Variants in PRKCE observed in about 807,000 individuals in gnomAD.
The protein encoded by PRKCE is protein kinase C epsilon.
PRKCE carries 16 observed loss-of-function variants against 85.4 expected under a neutral mutation model. The observed-to-expected ratio is 0.19, with a 90% confidence interval of 0.13 to 0.28. PRKCE has a LOEUF of 0.28. Ranked by LOEUF, PRKCE falls within the 10% of genes least tolerant of loss-of-function variation. PRKCE has a pLI of 1.00. For synonymous variants in PRKCE, 388 were observed against 371.5 expected (o/e 1.04, Z -0.51); for missense variants, 573 against 975.2 (o/e 0.59, Z 5.49).
intron 1 of PRKCE, among the ~76,000 whole-genome samples, chr2:45,734,816 A>G (rs780939756): frequency 2.6e-5 from 4 of 152,140 alleles, no homozygotes; most frequent in Non-Finnish European, 4.4e-5. Flanking sequence ...AGCAGAAGAG[A>G]AGCCCCTTCC....
At chr2:45,798,438 T>C (rs1687605565) in intron 1 of PRKCE, among the ~76,000 whole-genome samples, 1 of 152,198 alleles carries the variant, frequency 6.6e-6, no homozygotes, top group Non-Finnish European at 1.5e-5. Flanking sequence ...CCCCGACTTT[T>C]GTGGGACCTC....
intron 11 of PRKCE, among the ~76,000 whole-genome samples, chr2:46,113,139 G>A (rs1393964779): frequency 2.0e-5 from 3 of 152,270 alleles, no homozygotes; most frequent in African/African-American, 7.2e-5. Flanking sequence ...GGACCTCACA[G>A]CTGATTTAGA....
chr2:45,768,366 C>A (rs1178912091), intron 1 of PRKCE, among the ~76,000 whole-genome samples: 1 of 152,170 alleles, frequency 6.6e-6, no homozygotes, highest in Non-Finnish European at 1.5e-5. Context: ...ATGTGTGAGT[C>A]CCATGGGGAT....
rs1675308848 is a variant in PRKCE at position 46,139,600 on chromosome 2, G to A, written c.1593-5493G>A. On this transcript the variant is annotated intron_variant, in intron 11 of 14. Coordinates refer to ENST00000306156, the MANE Select transcript of PRKCE (RefSeq NM_005400.3). The surrounding 1 kb of genome is among the most constrained non-coding windows in gnomAD (Gnocchi z 5.2). ...GGACTTAGTCCTTGTCTTTATGGTT[G>A]TAGGTGGCTGCTACTACTTTAGGCA... 6.6e-6 allele frequency among the ~76,000 whole-genome samples: 1 copy of A among 152,000 alleles called. No individual in the cohort carries two copies. The highest frequency in any genetic ancestry group is 6.6e-5 in the Admixed American group (1 of 15,258).
At chr2:45,846,046 T>C (rs1197334097) in intron 2 of PRKCE, among the ~76,000 whole-genome samples, 1 of 152,192 alleles carries the variant, frequency 6.6e-6, no homozygotes, top group Non-Finnish European at 1.5e-5. Context: ...CTGCTCAAAA[T>C]GCTCTTATGG....
chr2:45,947,009 A>T (rs751781262), intron 2 of PRKCE, among the ~76,000 whole-genome samples: 8 of 152,248 alleles, frequency 5.3e-5, no homozygotes, highest in Non-Finnish European at 1.0e-4. Context: ...CTCTAAAGGA[A>T]TTCACATCAG....
At chr2:46,066,258 C>T (rs1667617472) in intron 10 of PRKCE, among the ~76,000 whole-genome samples, 1 of 152,130 alleles carries the variant, frequency 6.6e-6, no homozygotes, top group Admixed American at 6.5e-5. Context: ...CTATTTCTGC[C>T]TATACACCTA....
chr2:45,716,383 G>A (rs1680086838), intron 1 of PRKCE, among the ~76,000 whole-genome samples: 1 of 152,120 alleles, frequency 6.6e-6, no homozygotes, highest in African/African-American at 2.4e-5. Flanking sequence ...CAGGCGTGGT[G>A]TCGCATGCTT....
intron 2 of PRKCE, among the ~76,000 whole-genome samples, chr2:45,909,326 C>T (rs1029911221): frequency 6.6e-6 from 1 of 152,110 alleles, no homozygotes; most frequent in Non-Finnish European, 1.5e-5. Flanking sequence ...GTGGTAGGCA[C>T]CAGAAGGGGG....
chr2:46,174,567 C>A (rs1276786840), intron 14 of PRKCE, among the ~76,000 whole-genome samples: 1 of 152,194 alleles, frequency 6.6e-6, no homozygotes, highest in Non-Finnish European at 1.5e-5. Context: ...AGGCATGCAG[C>A]CCTCAGCTTG....
chr2:46,061,032 G>C (rs1279329400), intron 10 of PRKCE, among the ~76,000 whole-genome samples: 1 of 151,266 alleles, frequency 6.6e-6, no homozygotes, highest in Non-Finnish European at 1.5e-5. Context: ...AAAGTGCTGG[G>C]ATTACAGGAG....
chr2:46,125,180 G>T, intron 11 of PRKCE, among the ~76,000 whole-genome samples: 1 of 152,092 alleles, frequency 6.6e-6, no homozygotes, highest in East Asian at 1.9e-4. Context: ...GAAGTCTTTG[G>T]GAAGAGCATT....
At chr2:45,674,576 G>C (rs1179314732) in intron 1 of PRKCE, 3 of 152,136 alleles carry the variant, frequency 2.0e-5, no homozygotes, top group Non-Finnish European at 2.9e-5. Context: ...ACCTCACTTT[G>C]GAAATGCTTG....
intron 11 of PRKCE, among the ~76,000 whole-genome samples, chr2:46,088,179 G>A (rs904337549): frequency 2.0e-5 from 3 of 152,166 alleles, no homozygotes; most frequent in Non-Finnish European, 2.9e-5. Context: ...AGCATGAGTT[G>A]GGGGTCACTT....
chr2:45,719,226 C>G (rs2104444267), intron 1 of PRKCE, among the ~76,000 whole-genome samples: 1 of 152,334 alleles, frequency 6.6e-6, no homozygotes, highest in East Asian at 1.9e-4. Flanking sequence ...CTCCCCAGCC[C>G]TACCCCAGCC....
At chr2:46,084,636 C>T (rs1669407859) in intron 10 of PRKCE, among the ~76,000 whole-genome samples, 1 of 148,916 alleles carries the variant, frequency 6.7e-6, no homozygotes, top group Admixed American at 6.8e-5. Flanking sequence ...GCAGGAGAAT[C>T]GCTTGAACCA....
intron 10 of PRKCE, among the ~76,000 whole-genome samples, chr2:46,039,512 G>T (rs1040030086): frequency 2.0e-5 from 3 of 151,978 alleles, no homozygotes; most frequent in South Asian, 4.2e-4. Context: ...TATTCGTGGG[G>T]TTTTTTTGTT....
At chr2:46,082,321 A>G (rs1669165941) in intron 10 of PRKCE, among the ~76,000 whole-genome samples, 1 of 152,134 alleles carries the variant, frequency 6.6e-6, no homozygotes, top group African/African-American at 2.4e-5. Context: ...ACAGGGAAAA[A>G]GGTACAAAAT....
chr2:45,887,372 G>A (rs752243719), intron 2 of PRKCE, among the ~76,000 whole-genome samples: 1 of 152,194 alleles, frequency 6.6e-6, no homozygotes, highest in Non-Finnish European at 1.5e-5. Context: ...GAGTTAGGGT[G>A]TAGGTCGAGG....
Sources: allele counts gnomAD v4.1 joint callset (sites outside exome capture counted in the v4.1 genomes callset), GRCh38; gene constraint gnomAD v4.1.1; non-coding constraint Gnocchi (gnomAD v3.1); transcripts MANE v1.5; gene names NCBI Gene and HGNC (gene_info 2026-07-23, HGNC 2026-07-21).